The following TGS1 variants were observed in gnomAD, a reference collection of about 807,000 sequenced individuals.
The protein encoded by TGS1 is trimethylguanosine synthase 1, also known as trimethylguanosine synthase.
A neutral mutation model predicts 92.2 loss-of-function variants in TGS1; 69 were observed. The observed-to-expected ratio is 0.75, with a 90% CI of 0.62 to 0.91. TGS1 has a LOEUF of 0.91. Among genes scored for constraint, TGS1 ranks in the 40% least tolerant of loss-of-function variants. TGS1 has a pLI of 0.00. For missense variants in TGS1, 1,062 were observed against 1,001.2 expected (o/e 1.06, Z -0.82); for synonymous variants, 345 against 338.1 (o/e 1.02, Z -0.22).
chr8:55,824,753 G>A lies in TGS1; in HGVS notation c.*50G>A, dbSNP rs756231173. 6.2e-7 allele frequency: 1 copy of A among 1,600,720 alleles called. No individual in the cohort carries two copies. On this transcript the variant is annotated 3_prime_UTR_variant, in exon 13 of 13. Coordinates refer to ENST00000260129, the MANE Select transcript of TGS1 (RefSeq NM_024831.8). Reference sequence around the variant, plus strand: ...GATCATGGAGTGGTCAAAATATTCAGATGAGACATTTGGCATGTCTTCCTT... The same window carrying A: ...GATCATGGAGTGGTCAAAATATTCAAATGAGACATTTGGCATGTCTTCCTT...
intron 2 of TGS1, among the ~76,000 whole-genome samples, chr8:55,783,568 G>A (rs1248819717): frequency 6.6e-6 from 1 of 152,142 alleles, no homozygotes; most frequent in East Asian, 1.9e-4. Flanking sequence ...CTGTCATCTT[G>A]GTTAACTTTC....
At chr8:55,774,954 C>T (rs1811344222) in intron 1 of TGS1, among the ~76,000 whole-genome samples, 1 of 152,168 alleles carries the variant, frequency 6.6e-6, no homozygotes, top group South Asian at 2.1e-4. Flanking sequence ...GGAAACTGAA[C>T]AAAATGGCTG....
rs745323145 is a variant in TGS1, at chr8:55,773,666, T to G, written c.48T>G (p.Ile16Met). The change falls in exon 1 of 13, where the codon ATT becomes ATG. Residue 16 changes from isoleucine (I) to methionine (M), a missense_variant. Coordinates refer to ENST00000260129, the MANE Select transcript of TGS1 (RefSeq NM_024831.8). Reference protein sequence around the residue: ...WSRVAEMFLFIEEREDCKILC... With the variant: ...WSRVAEMFLFMEEREDCKILC... Reference sequence around the variant, plus strand: ...GCGTGGCGGAAATGTTTCTCTTCATTGAGGAGCGGGAGGATTGTAAGATAC... The same window carrying G: ...GCGTGGCGGAAATGTTTCTCTTCATGGAGGAGCGGGAGGATTGTAAGATAC... The G allele has an allele frequency of 1.9e-6, 3 of 1,610,926 alleles. No homozygotes were observed. The highest frequency in any genetic ancestry group is 1.7e-5 in the Admixed American group (1 of 59,440).
intron 4 of TGS1, among the ~76,000 whole-genome samples, chr8:55,787,325 T>C (rs1811748618): frequency 6.6e-6 from 1 of 152,160 alleles, no homozygotes; most frequent in South Asian, 2.1e-4. Flanking sequence ...TCTTGAGAAA[T>C]CTAATATAAA....
At position 55,811,490 on chromosome 8, in the gene TGS1, G is replaced by A. The variant is rs556647117; in HGVS notation, c.2360+393G>A. Among the ~76,000 whole-genome samples the A allele has an allele frequency of 1.6e-3, 238 of 150,244 alleles. 1 individual carries two copies. Among genetic ancestry groups the A allele is most frequent in the African/African-American group, 5.3e-3 (217 of 40,734 alleles). On this transcript the variant is annotated intron_variant, in intron 11 of 12. Coordinates refer to ENST00000260129, the MANE Select transcript of TGS1 (RefSeq NM_024831.8). Reference sequence around the variant, plus strand: ...AGAGAGAGAGAGATTGGCCAGGCACGGTGGCTCACACCTGTAATCCCAGCA... The same window carrying A: ...AGAGAGAGAGAGATTGGCCAGGCACAGTGGCTCACACCTGTAATCCCAGCA...
intron 1 of TGS1, among the ~76,000 whole-genome samples, chr8:55,781,981 C>A (rs901123995): frequency 2.0e-5 from 3 of 152,148 alleles, no homozygotes; most frequent in Non-Finnish European, 4.4e-5. Context: ...ACCTTGTCTA[C>A]TGTTCACAAT....
At chr8:55,779,720 A>G (rs1811507182) in intron 1 of TGS1, among the ~76,000 whole-genome samples, 1 of 152,170 alleles carries the variant, frequency 6.6e-6, no homozygotes, top group African/African-American at 2.4e-5. Context: ...CTCAACTCAC[A>G]CCTCTAGAAA....
chr8:55,780,528 G>A (rs1811533519), intron 1 of TGS1, among the ~76,000 whole-genome samples: 1 of 152,066 alleles, frequency 6.6e-6, no homozygotes, highest in Non-Finnish European at 1.5e-5. Flanking sequence ...TGAATGCCAG[G>A]TTTTCTACTG....
In TGS1 at chr8:55,816,866, T is replaced by A. The variant is rs528496549; in HGVS notation, c.2439+3748T>A. Among the ~76,000 whole-genome samples the A allele has an allele frequency of 6.5e-3, 958 of 146,354 alleles. 19 individuals are homozygous for A. Among genetic ancestry groups the A allele is most frequent in the African/African-American group, 0.021 (853 of 40,030 alleles). On this transcript the variant is annotated intron_variant, in intron 12 of 12. Coordinates refer to ENST00000260129, the MANE Select transcript of TGS1 (RefSeq NM_024831.8). ...TGGAATTCATCTCTATTTTATTTAT[T>A]TTTTTTTTTTTTGAGACAGAGTCTT...
At chr8:55,812,266 G>A (rs1803359520) in intron 11 of TGS1, among the ~76,000 whole-genome samples, 1 of 152,000 alleles carries the variant, frequency 6.6e-6, no homozygotes, top group Non-Finnish European at 1.5e-5. Context: ...GCTGGGTCAC[G>A]CCTGTACTCC....
intron 4 of TGS1, 36 bp from the exon 5 acceptor site, chr8:55,790,146 G>C (rs749026732): frequency 1.3e-6 from 2 of 1,522,116 alleles, no homozygotes; most frequent in African/African-American, 2.8e-5. Context: ...GTCAAACCAA[G>C]GGGGAAAAGC....
chr8:55,815,164 T>C (rs921405793), intron 12 of TGS1, among the ~76,000 whole-genome samples: 9 of 152,204 alleles, frequency 5.9e-5, no homozygotes, highest in African/African-American at 1.9e-4. Context: ...ACATTAACAC[T>C]TTCACAAAGA....
At chr8:55,808,803 C>T (rs1803261059) in intron 10 of TGS1, among the ~76,000 whole-genome samples, 1 of 152,152 alleles carries the variant, frequency 6.6e-6, no homozygotes, top group South Asian at 2.1e-4. Context: ...AGCCACCACC[C>T]CTAGCCTGTA....
chr8:55,787,714 G>T (rs1811758725), intron 4 of TGS1, among the ~76,000 whole-genome samples: 1 of 152,226 alleles, frequency 6.6e-6, no homozygotes, highest in South Asian at 2.1e-4. Context: ...TTGCATTGCT[G>T]TAAAGGAATA....
chr8:55,804,751 TAAAAC>T, intron 9 of TGS1, 137 bp from the exon 10 acceptor site: 1 of 689,226 alleles, frequency 1.5e-6, no homozygotes, highest in Non-Finnish European at 2.3e-6. Context: ...TTTTTTTCTT[TAAAAC>T]TGGGTGATTT....
At chr8:55,802,725 A>G (rs999445680) in intron 9 of TGS1, 119 bp downstream of exon 9, 11 of 1,032,424 alleles carry the variant, frequency 1.1e-5, no homozygotes, top group African/African-American at 1.6e-5. Flanking sequence ...GCTATTTTCA[A>G]CATTTTGCCC....
rs1421646740 is a variant in TGS1 at position 55,792,934 on chromosome 8, C to T, written c.1367+150C>T. ...TGTTAGAATTGTGGTAGAGATATCC[C>T]TGTACATTTGATGTGTTCATATGCT... On this transcript the variant is annotated intron_variant, in intron 6 of 12. Transcript: ENST00000260129. 1.5e-5 allele frequency: 9 copies of T among 601,572 alleles called. No homozygotes were observed. In the East Asian group the frequency reaches 2.5e-4, roughly 17 times the overall value. The allele number at this position is 601,572 out of a possible 1,614,324, so 37.3% of individuals were successfully genotyped here.
chr8:55,812,594 TGAGGATCTCTTGAACCCAG>T (rs1431976819), intron 11 of TGS1, among the ~76,000 whole-genome samples: 19 of 151,608 alleles, frequency 1.3e-4, no homozygotes, highest in African/African-American at 4.1e-4. Context: ...GGCTGAGGCA[TGAGGATCTCTTGAACCCAG>T]GAGGAGGTTG....
chr8:55,822,226 C>A (rs1311695639), intron 12 of TGS1, among the ~76,000 whole-genome samples: 1 of 151,846 alleles, frequency 6.6e-6, no homozygotes, highest in African/African-American at 2.4e-5. Context: ...CCCGCCACCA[C>A]CCCCAGCAAA....
Sources: allele counts gnomAD v4.1 joint callset (sites outside exome capture counted in the v4.1 genomes callset), GRCh38; gene constraint gnomAD v4.1.1; transcripts MANE v1.5; gene names NCBI Gene and HGNC (gene_info 2026-07-23, HGNC 2026-07-21).